CACNA2D3: variants seen among roughly 807,000 people sequenced by gnomAD.
CACNA2D3 encodes the protein calcium voltage-gated channel auxiliary subunit alpha2delta 3.
CACNA2D3 carries 60 observed loss-of-function variants against 160.6 expected under a neutral mutation model. The ratio of observed to expected loss-of-function variants is 0.37; its 90% confidence interval spans 0.30 to 0.46. The LOEUF is 0.46. Among genes scored for constraint, CACNA2D3 ranks in the 20% least tolerant of loss-of-function variants. CACNA2D3 has a pLI of 1.00. For synonymous variants in CACNA2D3, 558 were observed against 492.9 expected (o/e 1.13, Z -1.75); for missense variants, 1,205 against 1,365.0 (o/e 0.88, Z 1.85).
At chr3:54,292,453 A>G (rs1471851999) in intron 2 of CACNA2D3, among the ~76,000 whole-genome samples, 2 of 152,214 alleles carry the variant, frequency 1.3e-5, no homozygotes, top group Admixed American at 6.5e-5. Flanking sequence ...TTTCTAGAAT[A>G]TACCAAAAAC....
chr3:54,304,062 G>A (rs796693962), intron 2 of CACNA2D3, among the ~76,000 whole-genome samples: 21 of 152,254 alleles, frequency 1.4e-4, no homozygotes, highest in African/African-American at 5.1e-4. Flanking sequence ...TGTTTGGTCA[G>A]ATAATCCTTT....
chr3:54,223,480 G>A (rs1000878204), intron 2 of CACNA2D3, among the ~76,000 whole-genome samples: 68 of 152,152 alleles, frequency 4.5e-4, no homozygotes, highest in African/African-American at 1.6e-3. Context: ...GAGGCAGTGG[G>A]GTGAGGAGTG....
At chr3:54,752,484 A>T in intron 11 of CACNA2D3, 115 bp from the exon 12 acceptor site, 1 of 689,848 alleles carries the variant, frequency 1.4e-6, no homozygotes. Flanking sequence ...GTTCCTGCAG[A>T]TGGGAAGCAT....
At chr3:54,316,791 G>T (rs535691700) in intron 2 of CACNA2D3, among the ~76,000 whole-genome samples, 1 of 152,308 alleles carries the variant, frequency 6.6e-6, no homozygotes, top group South Asian at 2.1e-4. Context: ...TTGAAAACTT[G>T]GTGGAAAGTT....
At chr3:54,704,247 A>T (rs1180725432) in intron 11 of CACNA2D3, among the ~76,000 whole-genome samples, 1 of 152,226 alleles carries the variant, frequency 6.6e-6, no homozygotes, top group Non-Finnish European at 1.5e-5. Context: ...AAAGGCTTTT[A>T]TAAGCCAAAG....
In CACNA2D3 at chr3:54,554,870, CTTTTTTTTT is replaced by C. The variant is rs66526065; in HGVS notation, c.545-7917_545-7909del. Among the ~76,000 whole-genome samples, 190 of 96,144 alleles carry C rather than the reference CTTTTTTTTT, an allele frequency of 2.0e-3. 1 individual carries two copies. Among genetic ancestry groups the C allele is most frequent in the African/African-American group, 7.6e-3 (179 of 23,624 alleles). 63.1% of individuals were successfully genotyped at this position (96,144 alleles called of 152,430 possible). Reference sequence around the variant, plus strand: ...TTTCTTTTCTTTTCTCTCTCACTCTCTTTTTTTTTTTTTTTTTTTTTGGAGACAAGGTCT... The same window carrying C: ...TTTCTTTTCTTTTCTCTCTCACTCTCTTTTTTTTTTTTGGAGACAAGGTCT... On this transcript the variant is annotated intron_variant, in intron 5 of 37. Transcript: ENST00000474759.
rs1441475568 is a variant in CACNA2D3, at chr3:54,879,200, C to T, written c.1782+111C>T. 1.0e-5 allele frequency: 9 copies of T among 860,380 alleles called. No homozygotes were observed. The African/African-American group carries it at 1.5e-4, about 15-fold the overall frequency. The allele number at this position is 860,380 out of a possible 1,614,324, so 53.3% of individuals were successfully genotyped here. On this transcript the variant is annotated intron_variant, in intron 19 of 37. Coordinates refer to ENST00000474759, the MANE Select transcript of CACNA2D3 (RefSeq NM_018398.3). ...TATCTTTCGCTGAGATCATTTTTCT[C>T]TTGTCTTTACTTATCTCAAACAAGA...
At chr3:54,476,249 CGT>C (rs368587312) in intron 4 of CACNA2D3, among the ~76,000 whole-genome samples, 8 of 142,432 alleles carry the variant, frequency 5.6e-5, no homozygotes, top group African/African-American at 1.6e-4. Context: ...AATATTCCTG[CGT>C]GTGTGTGTGT....
intron 11 of CACNA2D3, among the ~76,000 whole-genome samples, chr3:54,661,351 T>C (rs1482557653): frequency 2.0e-5 from 3 of 152,228 alleles, no homozygotes; most frequent in Non-Finnish European, 2.9e-5. Context: ...GATGTGTTTC[T>C]ATGCCTCAAT....
At chr3:54,897,201 C>T (rs1263516661) in intron 26 of CACNA2D3, among the ~76,000 whole-genome samples, 4 of 152,056 alleles carry the variant, frequency 2.6e-5, no homozygotes, top group Non-Finnish European at 4.4e-5. Context: ...TTCAAGCATC[C>T]CTTGCCAGAA....
At chr3:54,934,621 C>G (rs1431972551) in intron 27 of CACNA2D3, among the ~76,000 whole-genome samples, 1 of 152,166 alleles carries the variant, frequency 6.6e-6, no homozygotes, top group Non-Finnish European at 1.5e-5. Flanking sequence ...TTTTCAGCAT[C>G]CACGTGTCCA....
chr3:54,453,803 CA>C (rs1414058515), intron 4 of CACNA2D3, among the ~76,000 whole-genome samples: 2 of 152,170 alleles, frequency 1.3e-5, no homozygotes, highest in African/African-American at 2.4e-5. Flanking sequence ...AATATTTGCA[CA>C]AAAGTCCTGG....
chr3:55,054,600 A>G (rs1376997067), intron 35 of CACNA2D3, among the ~76,000 whole-genome samples: 1 of 149,592 alleles, frequency 6.7e-6, no homozygotes, highest in East Asian at 1.9e-4. Context: ...TATTTAATAT[A>G]CTATATTATA....
Position 54,789,723 on chromosome 3 carries a change from G to A in CACNA2D3, c.1380+25372G>A, listed in dbSNP as rs138811519. 835 of 451,876 alleles carry A rather than the reference G, an allele frequency of 1.8e-3. 10 individuals carry two copies. The highest frequency in any genetic ancestry group is 0.015 in the African/African-American group (776 of 50,066). The allele number at this position is 451,876 out of a possible 1,614,324, so 28.0% of individuals were successfully genotyped here. A position where few individuals can be genotyped will look rare whatever the true frequency, so the allele number is the denominator to read the frequency against. On this transcript the variant is annotated intron_variant, in intron 13 of 37. Coordinates refer to ENST00000474759, the MANE Select transcript of CACNA2D3 (RefSeq NM_018398.3). ...CTGCTATTTAATTCTAGGTATATGAGTTGTCAGAGCTTTCTCTAAAGCTCC... is the reference window on the plus strand; with the variant it reads ...CTGCTATTTAATTCTAGGTATATGAATTGTCAGAGCTTTCTCTAAAGCTCC...
chr3:54,275,945 T>C (rs940359389), intron 2 of CACNA2D3, among the ~76,000 whole-genome samples: 3 of 152,232 alleles, frequency 2.0e-5, no homozygotes, highest in Non-Finnish European at 4.4e-5. Context: ...ATCTGATTTC[T>C]ACTGGGGATA....
At chr3:54,425,670 C>T (rs970919093) in intron 4 of CACNA2D3, among the ~76,000 whole-genome samples, 1 of 152,162 alleles carries the variant, frequency 6.6e-6, no homozygotes, top group African/African-American at 2.4e-5. Flanking sequence ...AGTGAACTCA[C>T]CTCTCTCTCA....
chr3:54,879,115 T>C, intron 19 of CACNA2D3, 26 bp downstream of exon 19: 1 of 1,487,110 alleles, frequency 6.7e-7, no homozygotes, highest in African/African-American at 1.4e-5. Context: ...ACATTTTTGC[T>C]GCTTAATTTA....
chr3:54,892,100 C>T (rs1700082925), intron 25 of CACNA2D3, among the ~76,000 whole-genome samples: 2 of 152,206 alleles, frequency 1.3e-5, no homozygotes, highest in Non-Finnish European at 2.9e-5. Context: ...ACTGGTGTTT[C>T]ACCAGGGCTA....
intron 2 of CACNA2D3, among the ~76,000 whole-genome samples, chr3:54,256,152 C>T (rs541346792): frequency 4.4e-4 from 67 of 152,292 alleles, no homozygotes; most frequent in African/African-American, 1.4e-3. Context: ...ATTGGTGACA[C>T]TTTTTCTGGG....
Sources: gnomAD v4.1 joint callset for allele counts (sites outside exome capture counted in the v4.1 genomes callset) on GRCh38, gnomAD v4.1.1 for gene constraint, MANE v1.5 for transcripts, NCBI Gene and HGNC (gene_info 2026-07-23, HGNC 2026-07-21) for gene names.